Variants in ARNT observed in about 807,000 individuals in gnomAD.
ARNT encodes the protein aryl hydrocarbon receptor nuclear translocator, also known as class E basic helix-loop-helix protein 2.
Under a neutral mutation model 105.0 loss-of-function variants are expected in ARNT, and 30 were observed. The ratio of observed to expected loss-of-function variants is 0.29; its 90% confidence interval spans 0.21 to 0.39. The LOEUF is 0.39. ARNT is among the 10% of genes least tolerant of loss of function. ARNT has a pLI of 1.00. For synonymous variants in ARNT, 304 were observed against 344.0 expected (o/e 0.88, Z 1.29); for missense variants, 748 against 978.7 (o/e 0.76, Z 3.15).
At chr1:150,846,417 G>A in intron 3 of ARNT, 110 bp from the exon 4 acceptor site, 3 of 1,043,594 alleles carry the variant, frequency 2.9e-6, no homozygotes, top group Non-Finnish European at 4.2e-6. Context: ...AAAAGCCAAT[G>A]GAAAAGCATC....
At chr1:150,847,563 G>A (rs148550499) in intron 3 of ARNT, among the ~76,000 whole-genome samples, 2 of 151,846 alleles carry the variant, frequency 1.3e-5, no homozygotes, top group East Asian at 3.9e-4. Flanking sequence ...CCTCTCTTTG[G>A]ATCTGCATGT....
chr1:150,828,208 C>T (rs1658644789), intron 12 of ARNT, among the ~76,000 whole-genome samples: 1 of 151,846 alleles, frequency 6.6e-6, no homozygotes. Flanking sequence ...AAATCTTTTG[C>T]CTAACTCAAA....
At chr1:150,867,144 C>T (rs937148997) in intron 1 of ARNT, among the ~76,000 whole-genome samples, 2 of 151,976 alleles carry the variant, frequency 1.3e-5, no homozygotes, top group Non-Finnish European at 2.9e-5. Flanking sequence ...GCGGAGGCTG[C>T]GGTGAGCCAA....
intron 2 of ARNT, among the ~76,000 whole-genome samples, chr1:150,855,337 G>A (rs975100377): frequency 5.3e-5 from 8 of 151,790 alleles, no homozygotes; most frequent in South Asian, 2.1e-4. Flanking sequence ...GGCGGATCAC[G>A]AAGTCAGGAG....
At chr1:150,838,771 C>T (rs866422706) in intron 6 of ARNT, among the ~76,000 whole-genome samples, 11 of 152,176 alleles carry the variant, frequency 7.2e-5, no homozygotes, top group South Asian at 2.1e-4. Flanking sequence ...CTTCCCTAAC[C>T]ATCCTCACTC....
chr1:150,830,648 G>A (rs1029705717), intron 10 of ARNT, among the ~76,000 whole-genome samples: 12 of 152,118 alleles, frequency 7.9e-5, no homozygotes, highest in Non-Finnish European at 1.6e-4. Context: ...TTTATGCTTT[G>A]CCTAATCTGT....
intron 1 of ARNT, among the ~76,000 whole-genome samples, chr1:150,860,005 TAA>T (rs35772624): frequency 7.5e-5 from 10 of 133,894 alleles, no homozygotes; most frequent in Non-Finnish European, 6.5e-5. Flanking sequence ...AGATCCTGTC[TAA>T]AAAAAAAAAA....
chr1:150,861,023 C>G (rs947611806), intron 1 of ARNT, among the ~76,000 whole-genome samples: 2 of 152,038 alleles, frequency 1.3e-5, no homozygotes, highest in South Asian at 2.1e-4. Flanking sequence ...CATAACCAAT[C>G]GCTAGGGAAA....
intron 3 of ARNT, among the ~76,000 whole-genome samples, chr1:150,848,654 G>A (rs1662715178): frequency 6.6e-6 from 1 of 151,860 alleles, no homozygotes; most frequent in Non-Finnish European, 1.5e-5. Context: ...TCAGCTTCCC[G>A]AGTAGCTGAG....
chr1:150,828,350 G>GTTTTTTTTTT (rs10531895), intron 12 of ARNT, among the ~76,000 whole-genome samples: 2 of 115,572 alleles, frequency 1.7e-5, no homozygotes, highest in Admixed American at 8.8e-5. Flanking sequence ...TTTTTTTTTT[G>GTTTTTTTTTT]TTTTTTTTTT....
intron 4 of ARNT, among the ~76,000 whole-genome samples, chr1:150,844,210 G>C (rs1291114184): frequency 6.6e-6 from 1 of 151,990 alleles, no homozygotes; most frequent in Admixed American, 6.6e-5. Flanking sequence ...AATTAGTTTC[G>C]ATAAACAAAT....
intron 1 of ARNT, among the ~76,000 whole-genome samples, chr1:150,876,205 G>A (rs3820541): frequency 1.3e-5 from 2 of 152,116 alleles, no homozygotes; most frequent in African/African-American, 2.4e-5. Flanking sequence ...CGGCTCCAGC[G>A]GGCAGAGGGT....
At chr1:150,821,157 C>G (rs1405024680) in intron 14 of ARNT, among the ~76,000 whole-genome samples, 1 of 152,228 alleles carries the variant, frequency 6.6e-6, no homozygotes, top group Non-Finnish European at 1.5e-5. Flanking sequence ...TATCATCTTA[C>G]AAGATGACTT....
chr1:150,852,077 T>A (rs1663722274), intron 3 of ARNT, among the ~76,000 whole-genome samples: 1 of 151,518 alleles, frequency 6.6e-6, no homozygotes, highest in South Asian at 2.1e-4. Flanking sequence ...AAATACAAAT[T>A]CCAATTCCTG....
intron 10 of ARNT, among the ~76,000 whole-genome samples, chr1:150,830,937 T>A (rs192810372): frequency 3.3e-5 from 5 of 152,356 alleles, no homozygotes; most frequent in South Asian, 2.1e-4. Context: ...TAAATTTTTT[T>A]AAATTACATT....
chr1:150,816,768 C>T lies in ARNT; in HGVS notation c.1802+20G>A. 6.4e-7 allele frequency: 1 copy of T among 1,558,078 alleles called. No homozygotes were observed. Among genetic ancestry groups the T allele is most frequent in the African/African-American group, 1.4e-5 (1 of 71,954 alleles). ...AATCCCTCAGGGCCCTGTAAAGCAG[C>T]ACATATATACGGGGCTCACCTGAAA... On this transcript the variant is annotated intron_variant, in intron 18 of 21. Transcript: ENST00000358595.
intron 9 of ARNT, 105 bp from the exon 10 acceptor site, chr1:150,832,008 G>C (rs9325978): frequency 0.031 from 24,784 of 812,376 alleles, 434 homozygotes; most frequent in Middle Eastern, 0.065. Context: ...TAGGAGTTTA[G>C]AAAACAGGAT....
intron 3 of ARNT, among the ~76,000 whole-genome samples, chr1:150,852,051 A>AAC (rs1553221318): frequency 4.6e-5 from 7 of 151,114 alleles, no homozygotes; most frequent in East Asian, 3.9e-4. Flanking sequence ...TCAAAAAAAA[A>AAC]AAAAACAAAA....
chr1:150,863,943 G>T (rs1275342739), intron 1 of ARNT, among the ~76,000 whole-genome samples: 1 of 152,158 alleles, frequency 6.6e-6, no homozygotes, highest in African/African-American at 2.4e-5. Context: ...TGAGAAATGT[G>T]TCATTAGGAG....
Sources: gnomAD v4.1 joint callset for allele counts (sites outside exome capture counted in the v4.1 genomes callset) on GRCh38, gnomAD v4.1.1 for gene constraint, MANE v1.5 for transcripts, NCBI Gene and HGNC (gene_info 2026-07-23, HGNC 2026-07-21) for gene names.